The following MIER3 variants were observed in gnomAD, a reference collection of about 807,000 sequenced individuals.
MIER3 encodes MIER family member 3, also known as mesoderm induction early response protein 3.
A neutral mutation model predicts 63.2 loss-of-function variants in MIER3; 9 were observed. The observed-to-expected ratio is 0.14, with a 90% CI of 0.09 to 0.25. The LOEUF (loss-of-function observed/expected upper bound fraction) is 0.25. MIER3 is among the 10% of genes least tolerant of loss of function. The pLI is 1.00. For synonymous variants in MIER3, 205 were observed against 224.9 expected, an observed-to-expected ratio of 0.91 and a Z score of 0.79; for missense variants, 512 against 666.2, an observed-to-expected ratio of 0.77 and a Z score of 2.55.
chr5:56,932,544 T>TA (rs1750305476), intron 8 of MIER3, among the ~76,000 whole-genome samples: 1 of 152,192 alleles, frequency 6.6e-6, no homozygotes. Context: ...GAATACTTAT[T>TA]AGTCAGGGTT....
At chr5:56,938,703 T>C in intron 4 of MIER3, 180 bp downstream of exon 4, 1 of 654,938 alleles carries the variant, frequency 1.5e-6, no homozygotes, top group South Asian at 2.0e-5. Flanking sequence ...AAGCTGCTAT[T>C]AATACTACTC....
chr5:56,952,142 T>A (rs1280355902), upstream of MIER3: 2 of 1,207,654 alleles, frequency 1.7e-6, no homozygotes, highest in Non-Finnish European at 2.1e-6. Context: ...CCGAGCCCAG[T>A]CCCCGGATGG....
intron 8 of MIER3, 58 bp downstream of exon 8, chr5:56,933,189 T>C (rs1031856204): frequency 6.2e-6 from 9 of 1,461,068 alleles, no homozygotes; most frequent in Non-Finnish European, 7.3e-6. Flanking sequence ...GTATCAAATA[T>C]AAGAAATCAA....
At chr5:56,934,954 A>C (rs748187957) in intron 7 of MIER3, among the ~76,000 whole-genome samples, 13 of 152,248 alleles carry the variant, frequency 8.5e-5, no homozygotes, top group Non-Finnish European at 1.3e-4. Context: ...ATTACACATA[A>C]TTAGGAGTAT....
At chr5:56,939,499 A>G (rs1366294149) in intron 3 of MIER3, among the ~76,000 whole-genome samples, 1 of 152,214 alleles carries the variant, frequency 6.6e-6, no homozygotes, top group African/African-American at 2.4e-5. Flanking sequence ...TGTTCAAAGA[A>G]CAATTATCCT....
chr5:56,937,490 T>C, intron 5 of MIER3, 88 bp downstream of exon 5: 1 of 1,267,098 alleles, frequency 7.9e-7, no homozygotes, highest in Non-Finnish European at 1.1e-6. Context: ...TATTAGAATA[T>C]TCTGACACAA....
rs1336179949 is a variant in MIER3, at chr5:56,935,514, G to A, written c.523-14C>T. The A allele has an allele frequency of 6.4e-7, 1 of 1,574,534 alleles. No homozygotes were observed. ...AATCATTATTTCCTACAGGAAAATT[G>A]AGAGGTAAAAATAACTTATTAAAAA... On this transcript the variant is annotated splice_polypyrimidine_tract_variant and intron_variant, in intron 6 of 12. Transcript: ENST00000381199.
chr5:56,943,639 AC>A (rs1326106557), intron 3 of MIER3, among the ~76,000 whole-genome samples: 5 of 152,244 alleles, frequency 3.3e-5, no homozygotes, highest in African/African-American at 1.2e-4. Flanking sequence ...TTGCACCAAA[AC>A]TTTTAAAGCA....
intron 3 of MIER3, among the ~76,000 whole-genome samples, chr5:56,942,801 A>T (rs1750692139): frequency 6.6e-6 from 1 of 152,326 alleles, no homozygotes; most frequent in African/African-American, 2.4e-5. Flanking sequence ...TTCCAAAAAG[A>T]AACTGAGCAA....
At chr5:56,951,371 T>G (rs1478324350) in intron 1 of MIER3, among the ~76,000 whole-genome samples, 2 of 151,676 alleles carry the variant, frequency 1.3e-5, no homozygotes, top group Non-Finnish European at 2.9e-5. Flanking sequence ...CCGGGGGACA[T>G]GGCCGGGGCA....
At chr5:56,924,855 C>G (rs981136715) in intron 10 of MIER3, among the ~76,000 whole-genome samples, 1 of 152,174 alleles carries the variant, frequency 6.6e-6, no homozygotes, top group African/African-American at 2.4e-5. Context: ...TAACCTGACT[C>G]CTGAGTAAGT....
chr5:56,933,538 G>C (rs1246406012), intron 7 of MIER3, 140 bp from the exon 8 acceptor site: 1 of 730,958 alleles, frequency 1.4e-6, no homozygotes, highest in South Asian at 2.6e-5. Context: ...CCGATTATCC[G>C]TTAAGTAGGG....
chr5:56,938,872 C>G lies in MIER3; in HGVS notation c.315+11G>C. Reference sequence around the variant, plus strand: ...AGACCCTGAATTTTTCTTTCAAATGCTCACACTTACTTTGTCTAGTGTCAT... The same window carrying G: ...AGACCCTGAATTTTTCTTTCAAATGGTCACACTTACTTTGTCTAGTGTCAT... On this transcript the variant is annotated intron_variant, in intron 4 of 12. Coordinates refer to ENST00000381199, the MANE Select transcript of MIER3 (RefSeq NM_001297599.2). The G allele has an allele frequency of 6.2e-7, 1 of 1,607,780 alleles. No individual in the cohort carries two copies.
At position 56,923,113 on chromosome 5, in the gene MIER3, G is replaced by A. The variant is rs772259529; in HGVS notation, c.*15C>T. ...TACTGGTGCTGCACACGCAGTTCCGGGATCCTCACTCAGGTCACTCAGAGT... is the reference window on the plus strand; with the variant it reads ...TACTGGTGCTGCACACGCAGTTCCGAGATCCTCACTCAGGTCACTCAGAGT... On this transcript the variant is annotated 3_prime_UTR_variant, in exon 13 of 13. Transcript: ENST00000381199. The A allele has an allele frequency of 3.7e-6, 6 of 1,607,698 alleles. No homozygotes were observed. The highest frequency in any genetic ancestry group is 5.1e-6 in the Non-Finnish European group (6 of 1,174,950).
intron 8 of MIER3, among the ~76,000 whole-genome samples, chr5:56,932,703 A>G (rs1750312302): frequency 6.6e-6 from 1 of 152,238 alleles, no homozygotes; most frequent in East Asian, 1.9e-4. Flanking sequence ...CAGGTACACA[A>G]GCGCTTAACA....
chr5:56,952,019 G>T, intron 1 of MIER3, 75 bp downstream of exon 1: 1 of 1,213,596 alleles, frequency 8.2e-7, no homozygotes. Flanking sequence ...GATCCCCCAG[G>T]CTGGCTCGGG....
At chr5:56,951,895 G>A (rs992715723) in intron 1 of MIER3, among the ~76,000 whole-genome samples, 199 bp downstream of exon 1, 3 of 150,440 alleles carry the variant, frequency 2.0e-5, no homozygotes, top group African/African-American at 4.9e-5. Context: ...GTCCCGGAGG[G>A]AGACCGCTCC....
intron 12 of MIER3, 30 bp downstream of exon 12, chr5:56,923,661 G>A: frequency 7.4e-6 from 12 of 1,614,064 alleles, no homozygotes; most frequent in Non-Finnish European, 9.3e-6. Flanking sequence ...GCAACAAACT[G>A]TACTAAATGC....
intron 7 of MIER3, among the ~76,000 whole-genome samples, chr5:56,934,031 C>T (rs188260499): frequency 2.0e-5 from 3 of 152,156 alleles, no homozygotes; most frequent in Admixed American, 1.3e-4. Flanking sequence ...GTCATTAAAA[C>T]AAGTTTATGT....
Sources: gnomAD v4.1 joint callset for allele counts (sites outside exome capture counted in the v4.1 genomes callset) on GRCh38, gnomAD v4.1.1 for gene constraint, MANE v1.5 for transcripts, NCBI Gene and HGNC (gene_info 2026-07-23, HGNC 2026-07-21) for gene names.